The following TTLL11 variants were observed in gnomAD, a reference collection of about 807,000 sequenced individuals.
TTLL11 encodes tubulin polyglutamylase TTLL11.
A neutral mutation model predicts 51.7 loss-of-function variants in TTLL11; 42 were observed. That is an observed-to-expected ratio of 0.81 (90% CI 0.64 to 1.05). The LOEUF (loss-of-function observed/expected upper bound fraction) is 1.05. TTLL11 is among the 50% of genes least tolerant of loss of function. The pLI is 0.00. For synonymous variants in TTLL11, 381 were observed against 383.5 expected, an observed-to-expected ratio of 0.99 and a Z score of 0.08; for missense variants, 799 against 940.4, an observed-to-expected ratio of 0.85 and a Z score of 1.97.
chr9:121,994,075 G>A (rs922511341), intron 3 of TTLL11, among the ~76,000 whole-genome samples: 10 of 152,178 alleles, frequency 6.6e-5, no homozygotes, highest in Non-Finnish European at 5.9e-5. Context: ...TCAATGTTCA[G>A]GGCAATTTCT....
In TTLL11 at chr9:121,819,854, C is replaced by T. The variant is rs532558115; in HGVS notation, c.*2733G>A. ...TACCAAAGGGGTAAACACAGTGGTG[C>T]TTCTTATTAGGAATGGAGGAGGCGG... On this transcript the variant is annotated 3_prime_UTR_variant, in exon 9 of 9. Coordinates refer to ENST00000321582, the MANE Select transcript of TTLL11 (RefSeq NM_001139442.2). Among the ~76,000 whole-genome samples, 4 of 152,322 alleles carry T rather than the reference C, an allele frequency of 2.6e-5. No individual in the cohort carries two copies. The East Asian group carries it at 5.8e-4, about 22-fold the overall frequency.
intron 3 of TTLL11, among the ~76,000 whole-genome samples, chr9:122,029,619 C>CA: frequency 1.3e-5 from 2 of 152,116 alleles, no homozygotes; most frequent in Middle Eastern, 3.4e-3. Flanking sequence ...AGTGTTATTA[C>CA]AAAAGAGTCT....
chr9:121,904,179 CTTT>C (rs200568154), intron 6 of TTLL11, among the ~76,000 whole-genome samples: 2 of 142,614 alleles, frequency 1.4e-5, no homozygotes, highest in Non-Finnish European at 1.5e-5. Flanking sequence ...TTGATACATT[CTTT>C]TTTTTTTTTT....
At chr9:121,978,977 G>A (rs111401145) in intron 4 of TTLL11, among the ~76,000 whole-genome samples, 4 of 152,142 alleles carry the variant, frequency 2.6e-5, no homozygotes, top group African/African-American at 9.6e-5. Context: ...ATGCCCCCTC[G>A]CACACACTGG....
Position 122,093,259 on chromosome 9 carries a change from G to C in TTLL11, c.-111C>G. On this transcript the variant is annotated 5_prime_UTR_variant, in exon 1 of 9. Coordinates refer to ENST00000321582, the MANE Select transcript of TTLL11 (RefSeq NM_001139442.2). ...CTGCAGCCGCTGCCACGCGTTCCCC[G>C]CCCGAGCCCGTTGCCATGATCGCTC... The C allele has an allele frequency of 1.3e-6, 2 of 1,528,516 alleles. No homozygotes were observed. Among genetic ancestry groups the C allele is most frequent in the Non-Finnish European group, 8.7e-7 (1 of 1,149,272 alleles). The allele number at this position is 1,528,516 out of a possible 1,614,324, so 94.7% of individuals were successfully genotyped here. A position where few individuals can be genotyped will look rare whatever the true frequency, so the allele number is the denominator to read the frequency against.
intron 6 of TTLL11, among the ~76,000 whole-genome samples, chr9:121,953,632 C>CAAAAAAA (rs57176138): frequency 1.4e-5 from 1 of 70,926 alleles, no homozygotes; most frequent in African/African-American, 5.6e-5. Flanking sequence ...GATGCCGCCT[C>CAAAAAAA]AAAAAAAAAA....
At chr9:121,878,510 C>T (rs1433536597) in intron 6 of TTLL11, among the ~76,000 whole-genome samples, 1 of 152,176 alleles carries the variant, frequency 6.6e-6, no homozygotes, top group Non-Finnish European at 1.5e-5. Flanking sequence ...GATGGATTCC[C>T]AGAGCTGCCA....
intron 4 of TTLL11, among the ~76,000 whole-genome samples, chr9:121,984,734 C>T (rs545927470): frequency 6.6e-6 from 1 of 152,216 alleles, no homozygotes; most frequent in South Asian, 2.1e-4. Context: ...GGATCATGGC[C>T]AAGGAGATAA....
chr9:121,847,060 A>G (rs910689842), intron 8 of TTLL11, among the ~76,000 whole-genome samples: 22 of 152,158 alleles, frequency 1.4e-4, no homozygotes, highest in Non-Finnish European at 5.9e-5. Flanking sequence ...AATACAAAAA[A>G]TTAGCCAGGC....
intron 6 of TTLL11, among the ~76,000 whole-genome samples, chr9:121,917,405 G>A (rs1291581393): frequency 6.6e-6 from 1 of 151,658 alleles, no homozygotes; most frequent in African/African-American, 2.4e-5. Flanking sequence ...CAGAGTTCAA[G>A]GTTGTAGTGA....
At chr9:121,957,639 G>A (rs1842060973) in intron 6 of TTLL11, among the ~76,000 whole-genome samples, 1 of 152,194 alleles carries the variant, frequency 6.6e-6, no homozygotes, top group Non-Finnish European at 1.5e-5. Flanking sequence ...TTGAGGCCAA[G>A]GAGGCGTGCT....
intron 6 of TTLL11, among the ~76,000 whole-genome samples, chr9:121,962,982 T>G (rs186312088): frequency 2.0e-5 from 3 of 152,236 alleles, no homozygotes; most frequent in Non-Finnish European, 4.4e-5. Flanking sequence ...ATCTCTTTCA[T>G]GTGCTAAATA....
intron 1 of TTLL11, among the ~76,000 whole-genome samples, chr9:122,062,713 C>T (rs1324644167): frequency 2.0e-5 from 3 of 151,850 alleles, no homozygotes; most frequent in African/African-American, 7.3e-5. Context: ...AGGTGATCCA[C>T]CTTCCTCGGC....
At chr9:122,048,405 G>A (rs531703056) in intron 1 of TTLL11, among the ~76,000 whole-genome samples, 7 of 152,218 alleles carry the variant, frequency 4.6e-5, no homozygotes, top group Admixed American at 1.3e-4. Context: ...GGCCTCAAAC[G>A]GTTTTACCAT....
At chr9:121,862,003 G>A (rs146556269) in intron 7 of TTLL11, among the ~76,000 whole-genome samples, 1 of 152,282 alleles carries the variant, frequency 6.6e-6, no homozygotes, top group East Asian at 1.9e-4. Flanking sequence ...CTTTAGGGGA[G>A]TCACCTGGAA....
chr9:121,928,153 C>T (rs372583773), intron 6 of TTLL11, among the ~76,000 whole-genome samples: 8 of 152,078 alleles, frequency 5.3e-5, no homozygotes, highest in Admixed American at 1.3e-4. Flanking sequence ...GCCTGTGATT[C>T]GATAAAATCA....
chr9:122,028,350 A>G (rs1268428347), intron 3 of TTLL11, among the ~76,000 whole-genome samples: 1 of 152,206 alleles, frequency 6.6e-6, no homozygotes, highest in Non-Finnish European at 1.5e-5. Flanking sequence ...GCTGCCAACA[A>G]GAAGCACTCT....
chr9:122,040,370 T>C, intron 1 of TTLL11: 1 of 985,276 alleles, frequency 1.0e-6, no homozygotes, highest in Non-Finnish European at 1.2e-6. Context: ...AGAAAATTTC[T>C]CACCGAGACA....
chr9:121,966,563 C>T (rs1004626468), intron 6 of TTLL11, among the ~76,000 whole-genome samples: 3 of 152,164 alleles, frequency 2.0e-5, no homozygotes, highest in Non-Finnish European at 4.4e-5. Context: ...CTGCCTCTGA[C>T]AGAAGTTTTA....
Sources: gnomAD v4.1 joint callset for allele counts (sites outside exome capture counted in the v4.1 genomes callset) on GRCh38, gnomAD v4.1.1 for gene constraint, MANE v1.5 for transcripts, NCBI Gene and HGNC (gene_info 2026-07-23, HGNC 2026-07-21) for gene names.